ALDH1A2: variants seen among roughly 807,000 people sequenced by gnomAD.
ALDH1A2 encodes the protein retinal dehydrogenase 2.
Under a neutral mutation model 60.3 loss-of-function variants are expected in ALDH1A2, and 27 were observed. That is an observed-to-expected ratio of 0.45 (90% confidence interval 0.33 to 0.62). The LOEUF is 0.62. ALDH1A2 is among the 20% of genes least tolerant of loss of function. ALDH1A2 has a pLI of 0.02. For synonymous variants in ALDH1A2, 289 were observed against 232.4 expected, an observed-to-expected ratio of 1.24 and a Z score of -2.21; for missense variants, 581 against 643.8, an observed-to-expected ratio of 0.90 and a Z score of 1.06.
At chr15:58,029,863 C>T (rs574937054) in intron 1 of ALDH1A2, among the ~76,000 whole-genome samples, 10 of 152,056 alleles carry the variant, frequency 6.6e-5, no homozygotes, top group Non-Finnish European at 1.3e-4. Flanking sequence ...CTGAATAGAC[C>T]AATAATCAGT....
chr15:58,003,581 T>C (rs529563969), intron 4 of ALDH1A2, among the ~76,000 whole-genome samples: 10 of 151,956 alleles, frequency 6.6e-5, no homozygotes, highest in African/African-American at 2.2e-4. Flanking sequence ...TTTTTCTGCT[T>C]ACATAAAATC....
intron 4 of ALDH1A2, among the ~76,000 whole-genome samples, chr15:57,996,951 G>A (rs1383560272): frequency 6.6e-6 from 1 of 151,790 alleles, no homozygotes; most frequent in Non-Finnish European, 1.5e-5. Context: ...ATTCTTTTTA[G>A]CCATTTGAAG....
At chr15:58,050,303 T>C (rs1328577937) in intron 1 of ALDH1A2, among the ~76,000 whole-genome samples, 1 of 152,126 alleles carries the variant, frequency 6.6e-6, no homozygotes, top group Non-Finnish European at 1.5e-5. Context: ...ATTAAAATGA[T>C]GTTTATTAAC....
chr15:57,982,366 T>C (rs573512949), intron 7 of ALDH1A2, among the ~76,000 whole-genome samples: 13 of 152,234 alleles, frequency 8.5e-5, no homozygotes, highest in Non-Finnish European at 1.8e-4. Flanking sequence ...ATTCCTTTAG[T>C]ATGATTTGAA....
chr15:58,001,715 T>TA (rs549295687), intron 4 of ALDH1A2, among the ~76,000 whole-genome samples: 5 of 151,954 alleles, frequency 3.3e-5, no homozygotes, highest in Non-Finnish European at 5.9e-5. Context: ...CTTTGTGCTG[T>TA]AAGCTCAACA....
rs186362690 is a variant in ALDH1A2 at position 58,008,109 on chromosome 15, T to G, written c.493+2540A>C. ...GTTAACCTCTACCTCCATCCTTCCC[T>G]CATCTGTTTGAGACACCATGGAGAG... On this transcript the variant is annotated intron_variant, in intron 4 of 12. Coordinates refer to ENST00000249750, the MANE Select transcript of ALDH1A2 (RefSeq NM_003888.4). 1.6e-3 allele frequency among the ~76,000 whole-genome samples: 249 copies of G among 152,142 alleles called. 1 individual carries two copies. Among genetic ancestry groups the G allele is most frequent in the Admixed American group, 0.011 (163 of 15,264 alleles).
At chr15:58,004,247 C>G (rs1595659798) in intron 4 of ALDH1A2, among the ~76,000 whole-genome samples, 2 of 151,826 alleles carry the variant, frequency 1.3e-5, no homozygotes, top group South Asian at 4.1e-4. Flanking sequence ...GAAATCTATC[C>G]TTTATGGGGA....
intron 6 of ALDH1A2, 58 bp downstream of exon 6, chr15:57,992,887 C>G: frequency 1.2e-6 from 2 of 1,613,790 alleles, no homozygotes; most frequent in Non-Finnish European, 8.5e-7. Flanking sequence ...GAGATATGCT[C>G]TAGTAGGCTC....
At chr15:58,050,459 A>G (rs535239470) in intron 1 of ALDH1A2, among the ~76,000 whole-genome samples, 2 of 152,282 alleles carry the variant, frequency 1.3e-5, no homozygotes, top group Admixed American at 1.3e-4. Context: ...GTATACTGAT[A>G]CTAAAAAACT....
chr15:57,970,469 C>T (rs1179739265), intron 7 of ALDH1A2, among the ~76,000 whole-genome samples: 1 of 152,164 alleles, frequency 6.6e-6, no homozygotes. Flanking sequence ...GGAAGAGCCA[C>T]AGTGTACTGG....
At position 57,960,753 on chromosome 15, in the gene ALDH1A2, G is replaced by A; in HGVS notation, c.1484+17C>T. The A allele has an allele frequency of 6.2e-7, 1 of 1,610,150 alleles. No individual in the cohort carries two copies. On this transcript the variant is annotated intron_variant, in intron 12 of 12. Transcript: ENST00000249750. ...GCAATCTATTTCTCTGCAGGCATCA[G>A]CAACTTTAAGACTTACATTTCTCTC...
At chr15:58,056,993 T>A (rs1424959317) in intron 1 of ALDH1A2, among the ~76,000 whole-genome samples, 2 of 152,148 alleles carry the variant, frequency 1.3e-5, no homozygotes, top group African/African-American at 2.4e-5. Flanking sequence ...AGTATAACTA[T>A]GTTGGACAGA....
chr15:58,024,508 G>C (rs904731866), intron 1 of ALDH1A2, among the ~76,000 whole-genome samples: 3 of 152,060 alleles, frequency 2.0e-5, no homozygotes, highest in Non-Finnish European at 4.4e-5. Context: ...AATTCAACAA[G>C]AGAATATAAA....
At chr15:58,026,649 C>T (rs954879698) in intron 1 of ALDH1A2, among the ~76,000 whole-genome samples, 10 of 152,158 alleles carry the variant, frequency 6.6e-5, no homozygotes, top group African/African-American at 2.4e-4. Context: ...CGTGGAGGAA[C>T]AGTACACTCT....
intron 1 of ALDH1A2, among the ~76,000 whole-genome samples, chr15:58,014,971 A>G (rs1261546065): frequency 2.6e-5 from 4 of 152,190 alleles, no homozygotes; most frequent in Non-Finnish European, 5.9e-5. Flanking sequence ...TTAAAATGGC[A>G]AAGAGACTGA....
chr15:57,997,864 T>C (rs1372672320), intron 4 of ALDH1A2, among the ~76,000 whole-genome samples: 2 of 151,922 alleles, frequency 1.3e-5, no homozygotes, highest in Non-Finnish European at 2.9e-5. Context: ...AGAGACAGAA[T>C]CTTCTAGTCC....
intron 1 of ALDH1A2, among the ~76,000 whole-genome samples, chr15:58,060,990 C>A (rs559118507): frequency 6.6e-6 from 1 of 152,324 alleles, no homozygotes; most frequent in Admixed American, 6.5e-5. Flanking sequence ...ATTTGCCTTT[C>A]TTAAGCCTGG....
chr15:58,065,440 C>T, intron 1 of ALDH1A2, 94 bp downstream of exon 1: 2 of 1,115,686 alleles, frequency 1.8e-6, no homozygotes, highest in East Asian at 2.4e-5. Flanking sequence ...GACCCCGGCC[C>T]CGTCCCGCAG....
At chr15:57,959,136 G>A (rs571375172) in intron 12 of ALDH1A2, among the ~76,000 whole-genome samples, 10 of 152,210 alleles carry the variant, frequency 6.6e-5, no homozygotes, top group East Asian at 3.9e-4. Flanking sequence ...ATCAACCAGC[G>A]ATCATTTATT....
Sources: allele counts gnomAD v4.1 joint callset (sites outside exome capture counted in the v4.1 genomes callset), GRCh38; gene constraint gnomAD v4.1.1; transcripts MANE v1.5; gene names NCBI Gene and HGNC (gene_info 2026-07-23, HGNC 2026-07-21).